RICTOR: variants seen among roughly 807,000 people sequenced by gnomAD.
RICTOR encodes the protein rapamycin-insensitive companion of mTOR.
RICTOR carries 49 observed loss-of-function variants against 214.9 expected under a neutral mutation model. That is an observed-to-expected ratio of 0.23 (90% confidence interval 0.18 to 0.29). The LOEUF is 0.29. Among genes scored for constraint, RICTOR ranks in the 10% least tolerant of loss-of-function variants. The pLI, the probability that RICTOR is intolerant of heterozygous loss-of-function variation, is 1.00. For missense variants in RICTOR, 1,625 were observed against 2,047.0 expected, an observed-to-expected ratio of 0.79 and a Z score of 3.98; for synonymous variants, 717 against 711.3, an observed-to-expected ratio of 1.01 and a Z score of -0.13.
chr5:39,073,282 T>A (rs1197953899), intron 2 of RICTOR, among the ~76,000 whole-genome samples: 2 of 152,188 alleles, frequency 1.3e-5, no homozygotes, highest in African/African-American at 2.4e-5. Flanking sequence ...GAGAAAAGAA[T>A]CTTGTACGTA....
chr5:39,026,341 C>A (rs1480263012), intron 2 of RICTOR, among the ~76,000 whole-genome samples: 1 of 151,534 alleles, frequency 6.6e-6, no homozygotes, highest in Non-Finnish European at 1.5e-5. Context: ...GTGCAAGACC[C>A]TGTCTCAAAA....
chr5:39,025,068 A>G (rs558467283), intron 2 of RICTOR, among the ~76,000 whole-genome samples: 4 of 150,256 alleles, frequency 2.7e-5, no homozygotes, highest in East Asian at 1.9e-4. Flanking sequence ...TAACTCAACA[A>G]TGAGTCAAAT....
chr5:39,045,665 A>G (rs1561058182), intron 2 of RICTOR, among the ~76,000 whole-genome samples: 1 of 152,186 alleles, frequency 6.6e-6, no homozygotes, highest in Non-Finnish European at 1.5e-5. Context: ...CCAGTCTATT[A>G]GAATTATTTA....
At chr5:39,058,846 C>CTAA (rs572907032) in intron 2 of RICTOR, among the ~76,000 whole-genome samples, 42 of 152,062 alleles carry the variant, frequency 2.8e-4, no homozygotes, top group African/African-American at 9.6e-4. Flanking sequence ...TTTCAACTTT[C>CTAA]TAATCTGTAG....
Position 38,941,348 on chromosome 5 carries a change from C to T in RICTOR, c.*956G>A, listed in dbSNP as rs1049846427. The T allele has an allele frequency of 4.3e-6, 1 of 231,498 alleles. No individual in the cohort carries two copies. Among genetic ancestry groups the T allele is most frequent in the Admixed American group, 5.6e-5 (1 of 17,720 alleles). The allele number at this position is 231,498 out of a possible 1,614,324, so 14.3% of individuals were successfully genotyped here. A position where few individuals can be genotyped will look rare whatever the true frequency, so the allele number is the denominator to read the frequency against. On this transcript the variant is annotated 3_prime_UTR_variant, in exon 38 of 38. Coordinates refer to ENST00000357387, the MANE Select transcript of RICTOR (RefSeq NM_152756.5). ...ATGTTTTTTTTAAGGAAATATGGCT[C>T]TTCTTTCCCCATGGAATGTGTAAAT...
At chr5:39,067,440 A>G (rs765233335) in intron 2 of RICTOR, among the ~76,000 whole-genome samples, 2 of 152,198 alleles carry the variant, frequency 1.3e-5, no homozygotes, top group African/African-American at 2.4e-5. Flanking sequence ...ACAATTCAAC[A>G]TGAGATTTGG....
intron 8 of RICTOR, chr5:38,981,378 T>A (rs1441220342): frequency 1.3e-5 from 2 of 155,790 alleles, no homozygotes; most frequent in Admixed American, 1.3e-4. Context: ...CTAACTGTAA[T>A]AAACCTTACT....
chr5:38,990,740 T>TATCTGATATATAGCAG (rs1183959172), intron 7 of RICTOR, among the ~76,000 whole-genome samples: 1 of 99,962 alleles, frequency 1.0e-5, no homozygotes, highest in African/African-American at 3.5e-5. Context: ...ATATATGATA[T>TATCTGATATATAGCAG]ATATGAGATA....
At chr5:38,979,555 A>G (rs535352314) in intron 8 of RICTOR, among the ~76,000 whole-genome samples, 139 of 152,264 alleles carry the variant, frequency 9.1e-4, no homozygotes, top group Non-Finnish European at 1.3e-3. Flanking sequence ...ACAACAAATC[A>G]TATTTATTAA....
chr5:39,045,511 C>T (rs1561058043), intron 2 of RICTOR, among the ~76,000 whole-genome samples: 1 of 152,022 alleles, frequency 6.6e-6, no homozygotes, highest in Non-Finnish European at 1.5e-5. Flanking sequence ...CATTAGGCTT[C>T]CACAGTTCTC....
chr5:39,020,055 G>C (rs922475630), intron 3 of RICTOR, among the ~76,000 whole-genome samples: 4 of 152,192 alleles, frequency 2.6e-5, no homozygotes, highest in African/African-American at 9.7e-5. Flanking sequence ...ACTAGAATTA[G>C]AGGGGGAGCC....
intron 2 of RICTOR, among the ~76,000 whole-genome samples, chr5:39,036,114 T>A (rs558636761): frequency 2.6e-5 from 4 of 152,154 alleles, no homozygotes; most frequent in African/African-American, 9.7e-5. Context: ...TAACAGCGGA[T>A]CTCTCCGCAG....
intron 2 of RICTOR, among the ~76,000 whole-genome samples, chr5:39,068,452 T>C (rs1759061727): frequency 6.6e-6 from 1 of 152,108 alleles, no homozygotes; most frequent in African/African-American, 2.4e-5. Context: ...GTTAAAATAG[T>C]ACAGAAGAAA....
chr5:39,049,069 G>GA (rs1290264944), intron 2 of RICTOR, among the ~76,000 whole-genome samples: 2 of 151,870 alleles, frequency 1.3e-5, no homozygotes, highest in South Asian at 2.1e-4. Flanking sequence ...ATGGTTAAGG[G>GA]AAAAAAACAC....
chr5:39,071,967 A>C (rs759704035), intron 2 of RICTOR, among the ~76,000 whole-genome samples: 5 of 152,216 alleles, frequency 3.3e-5, no homozygotes, highest in Non-Finnish European at 7.4e-5. Context: ...ACTAAACTTT[A>C]ATTCCTCATG....
chr5:39,036,873 C>T (rs1756748602), intron 2 of RICTOR, among the ~76,000 whole-genome samples: 1 of 152,114 alleles, frequency 6.6e-6, no homozygotes, highest in Non-Finnish European at 1.5e-5. Flanking sequence ...TAATGGGAGA[C>T]TTTAGCACCC....
chr5:38,964,718 A>T (rs1284265099), intron 16 of RICTOR, 74 bp downstream of exon 16: 1 of 745,918 alleles, frequency 1.3e-6, no homozygotes, highest in Non-Finnish European at 2.1e-6. Flanking sequence ...TATTTTTTTT[A>T]AAAAGAAGAG....
chr5:38,937,999 A>T lies in RICTOR; in HGVS notation c.*4305T>A, dbSNP rs1207958515. ...CTTCAGGAGGCTTTTAATGCCCTTG[A>T]CATAAACTATACACATTATACAAAA... On this transcript the variant is annotated 3_prime_UTR_variant, in exon 38 of 38. Transcript: ENST00000357387. The surrounding 1 kb of genome is among the most constrained non-coding windows in gnomAD (Gnocchi z 4.0). 3 of 196,476 alleles carry T rather than the reference A, an allele frequency of 1.5e-5. No individual in the cohort carries two copies. Among genetic ancestry groups the T allele is most frequent in the African/African-American group, 6.9e-5 (3 of 43,334 alleles). 12.2% of individuals were successfully genotyped at this position (196,476 alleles called of 1,614,324 possible). A position where few individuals can be genotyped will look rare whatever the true frequency, so the allele number is the denominator to read the frequency against.
rs564855009 is a variant in RICTOR at position 39,030,898 on chromosome 5, G to A, written c.98-9762C>T. Reference sequence around the variant, plus strand: ...GTATTGCTAATTATCCCTTCCAATTGCCCTGTGAAGCAAAACACCAAGAGG... The same window carrying A: ...GTATTGCTAATTATCCCTTCCAATTACCCTGTGAAGCAAAACACCAAGAGG... On this transcript the variant is annotated intron_variant, in intron 2 of 37. Coordinates refer to ENST00000357387, the MANE Select transcript of RICTOR (RefSeq NM_152756.5). 2.0e-5 allele frequency among the ~76,000 whole-genome samples: 3 copies of A among 152,108 alleles called. No homozygotes were observed. The South Asian group carries it at 6.2e-4, about 32-fold the overall frequency.
Sources: allele counts gnomAD v4.1 joint callset (sites outside exome capture counted in the v4.1 genomes callset), GRCh38; gene constraint gnomAD v4.1.1; non-coding constraint Gnocchi (gnomAD v3.1); transcripts MANE v1.5; gene names NCBI Gene and HGNC (gene_info 2026-07-23, HGNC 2026-07-21).